Variants in FRYL observed in about 807,000 individuals in gnomAD.
FRYL encodes the protein protein furry homolog-like.
A neutral mutation model predicts 351.2 loss-of-function variants in FRYL; 150 were observed. That is an observed-to-expected ratio of 0.43 (90% CI 0.37 to 0.49). FRYL has a LOEUF of 0.49. Among genes scored for constraint, FRYL ranks in the 20% least tolerant of loss-of-function variants. The pLI, the probability that FRYL is intolerant of heterozygous loss-of-function variation, is 0.00. For synonymous variants in FRYL, 1,153 were observed against 1,257.1 expected (o/e 0.92, Z 1.75); for missense variants, 3,036 against 3,619.3 (o/e 0.84, Z 4.13).
At chr4:48,685,165 T>A (rs1765021547) in intron 2 of FRYL, among the ~76,000 whole-genome samples, 1 of 152,198 alleles carries the variant, frequency 6.6e-6, no homozygotes, top group Non-Finnish European at 1.5e-5. Context: ...TAATTCATTA[T>A]GTATCTCTCT....
chr4:48,749,151 G>A (rs1277852386), intron 1 of FRYL, among the ~76,000 whole-genome samples: 3 of 152,186 alleles, frequency 2.0e-5, no homozygotes, highest in Admixed American at 6.5e-5. Flanking sequence ...AGGTAAGGAG[G>A]GAACCCACTG....
At chr4:48,575,324 T>C in intron 24 of FRYL, 83 bp from the exon 25 acceptor site, 3 of 1,429,234 alleles carry the variant, frequency 2.1e-6, no homozygotes, top group Non-Finnish European at 2.9e-6. Flanking sequence ...TAGTCTTATG[T>C]CAAGGATAAA....
chr4:48,596,996 A>C (rs1161415891), intron 13 of FRYL, among the ~76,000 whole-genome samples: 1 of 152,096 alleles, frequency 6.6e-6, no homozygotes, highest in Non-Finnish European at 1.5e-5. Context: ...AGGATCAGTT[A>C]CTGTGCTCAT....
At chr4:48,610,882 A>G (rs902223578) in intron 7 of FRYL, among the ~76,000 whole-genome samples, 3 of 151,052 alleles carry the variant, frequency 2.0e-5, no homozygotes, top group African/African-American at 7.3e-5. Context: ...ATATGTATAT[A>G]TCACAATTTG....
chr4:48,582,800 T>G (rs1741206974), intron 19 of FRYL, 66 bp from the exon 20 acceptor site: 1 of 1,028,110 alleles, frequency 9.7e-7, no homozygotes, highest in Admixed American at 1.9e-5. Flanking sequence ...ATCTGAAACT[T>G]AAAACTATGA....
intron 23 of FRYL, among the ~76,000 whole-genome samples, chr4:48,576,972 TTCACCTCTCTATGTAAATTAATA>T (rs1421163785): frequency 6.6e-6 from 1 of 152,166 alleles, no homozygotes; most frequent in East Asian, 1.9e-4. Flanking sequence ...TTACGTATTT[TTCACCTCTCTATGTAAATTAATA>T]TACTTCTGTG....
chr4:48,578,457 T>C lies in FRYL; in HGVS notation c.2528+516A>G, dbSNP rs548020564. 2.0e-5 allele frequency among the ~76,000 whole-genome samples: 3 copies of C among 152,302 alleles called. No homozygotes were observed. In the South Asian group the frequency reaches 6.2e-4, roughly 32 times the overall value. On this transcript the variant is annotated intron_variant, in intron 23 of 63. Coordinates refer to ENST00000358350, the MANE Select transcript of FRYL (RefSeq NM_015030.2). Reference sequence around the variant, plus strand: ...AAACAAAACAAAAACTAACTGAAATTTATAATGACCTTGGTCAACTCTCCA... The same window carrying C: ...AAACAAAACAAAAACTAACTGAAATCTATAATGACCTTGGTCAACTCTCCA...
chr4:48,528,138 G>A, intron 51 of FRYL, 37 bp downstream of exon 51: 1 of 1,595,752 alleles, frequency 6.3e-7, no homozygotes, highest in Non-Finnish European at 8.6e-7. Flanking sequence ...TGATTCTTCT[G>A]TTCTATGAAT....
intron 1 of FRYL, among the ~76,000 whole-genome samples, chr4:48,736,968 C>T (rs1267018690): frequency 6.7e-6 from 1 of 150,198 alleles, no homozygotes; most frequent in African/African-American, 2.4e-5. Flanking sequence ...ACACAGGACA[C>T]AAATTACTAA....
At chr4:48,514,104 T>A (rs1490917662) in intron 56 of FRYL, among the ~76,000 whole-genome samples, 1 of 152,194 alleles carries the variant, frequency 6.6e-6, no homozygotes, top group Non-Finnish European at 1.5e-5. Flanking sequence ...TCCAATGTGT[T>A]GTATGTGTTA....
intron 16 of FRYL, among the ~76,000 whole-genome samples, chr4:48,591,985 T>C (rs1335731949): frequency 6.4e-5 from 8 of 125,438 alleles, no homozygotes; most frequent in Non-Finnish European, 1.2e-4. Flanking sequence ...AAGCTGTCAT[T>C]ATCTCTGATC....
rs73815323 is a variant in FRYL, at chr4:48,723,507, A to G, written c.-383-12809T>C. Among the ~76,000 whole-genome samples, 410 of 152,222 alleles carry G rather than the reference A, an allele frequency of 2.7e-3. 1 individual carries two copies. Among genetic ancestry groups the G allele is most frequent in the African/African-American group, 9.4e-3 (392 of 41,534 alleles). Reference sequence around the variant, plus strand: ...CTTGCTCCTTACTAAACTCCTTACTAAATAATACCATCCTTATTTTAGTTG... The same window carrying G: ...CTTGCTCCTTACTAAACTCCTTACTGAATAATACCATCCTTATTTTAGTTG... On this transcript the variant is annotated intron_variant, in intron 1 of 63. Transcript: ENST00000358350.
At chr4:48,625,391 C>A (rs1348244834) in intron 4 of FRYL, among the ~76,000 whole-genome samples, 1 of 152,152 alleles carries the variant, frequency 6.6e-6, no homozygotes. Flanking sequence ...GTCAGTAAGT[C>A]ATGGTATATT....
intron 13 of FRYL, among the ~76,000 whole-genome samples, chr4:48,600,747 A>G (rs776017189): frequency 1.4e-4 from 21 of 152,310 alleles, no homozygotes; most frequent in Admixed American, 7.2e-4. Context: ...AAAATGATCA[A>G]TTCTCTTTTG....
intron 1 of FRYL, among the ~76,000 whole-genome samples, chr4:48,758,908 A>G (rs1470727987): frequency 6.6e-6 from 1 of 152,228 alleles, no homozygotes; most frequent in South Asian, 2.1e-4. Flanking sequence ...GCCATAAAAA[A>G]GGATGAGTTC....
intron 2 of FRYL, among the ~76,000 whole-genome samples, chr4:48,698,107 T>C (rs1766376193): frequency 6.6e-6 from 1 of 152,158 alleles, no homozygotes; most frequent in South Asian, 2.1e-4. Context: ...ACATGGGCAG[T>C]AGCATGTTTC....
At chr4:48,718,342 A>C (rs1769097637) in intron 1 of FRYL, among the ~76,000 whole-genome samples, 1 of 151,614 alleles carries the variant, frequency 6.6e-6, no homozygotes, top group East Asian at 1.9e-4. Flanking sequence ...ATACATCAAA[A>C]GACTGGTGAA....
At chr4:48,555,418 C>A (rs2149017066) in intron 35 of FRYL, among the ~76,000 whole-genome samples, 1 of 152,190 alleles carries the variant, frequency 6.6e-6, no homozygotes, top group Middle Eastern at 3.4e-3. Flanking sequence ...TGATTAAGTG[C>A]CAGAAAGATC....
intron 6 of FRYL, 25 bp from the exon 7 acceptor site, chr4:48,619,395 A>G: frequency 7.4e-7 from 1 of 1,358,040 alleles, no homozygotes; most frequent in Non-Finnish European, 1.0e-6. Context: ...CAAAATTAGT[A>G]CTGCATTAAG....
Sources: allele counts gnomAD v4.1 joint callset (sites outside exome capture counted in the v4.1 genomes callset), GRCh38; gene constraint gnomAD v4.1.1; transcripts MANE v1.5; gene names NCBI Gene and HGNC (gene_info 2026-07-23, HGNC 2026-07-21).